ABCB11: variants seen among roughly 807,000 people sequenced by gnomAD.
ABCB11 encodes bile salt export pump.
A neutral mutation model predicts 148.0 loss-of-function variants in ABCB11; 95 were observed. That is an observed-to-expected ratio of 0.64 (90% CI 0.54 to 0.76). The LOEUF (loss-of-function observed/expected upper bound fraction) is 0.76. Among genes scored for constraint, ABCB11 ranks in the 30% least tolerant of loss-of-function variants. The probability of loss-of-function intolerance (pLI) is 0.00; values close to 1 mark genes in which losing one functional copy is unlikely to be tolerated. For synonymous variants in ABCB11, 591 were observed against 555.4 expected (o/e 1.06, Z -0.90); for missense variants, 1,523 against 1,617.8 (o/e 0.94, Z 1.01).
chr2:168,958,082 C>T lies in ABCB11; in HGVS notation c.2225G>A (p.Arg742Lys). ...TGGAGCACTGAATTTCAGAATCCTC[C>T]TAACTGGGGCAGGTTCAACTTCTTC... ...VQEEVEPAPV[R>K]RILKFSAPEW... Residue 742 changes from arginine (R) to lysine (K), a missense_variant, in exon 19 of 28, where the codon AGG (arginine) becomes AAG (lysine). Arg to Lys is a conservative substitution (Grantham distance 26). Coordinates refer to ENST00000650372, the MANE Select transcript of ABCB11 (RefSeq NM_003742.4). 6.2e-7 allele frequency: 1 copy of T among 1,611,272 alleles called. No homozygotes were observed. Among genetic ancestry groups the T allele is most frequent in the Non-Finnish European group, 8.5e-7 (1 of 1,178,184 alleles).
intron 1 of ABCB11, among the ~76,000 whole-genome samples, chr2:169,026,631 C>T (rs1237452194): frequency 6.6e-6 from 1 of 152,160 alleles, no homozygotes; most frequent in Non-Finnish European, 1.5e-5. Context: ...TGCCATGTAT[C>T]ATTATGAATG....
At chr2:169,024,604 C>A (rs1409388944) in intron 1 of ABCB11, among the ~76,000 whole-genome samples, 1 of 152,038 alleles carries the variant, frequency 6.6e-6, no homozygotes, top group Non-Finnish European at 1.5e-5. Flanking sequence ...AATATTGATA[C>A]ATTATTATTA....
At chr2:169,009,393 C>T (rs1479316006) in intron 5 of ABCB11, among the ~76,000 whole-genome samples, 2 of 151,986 alleles carry the variant, frequency 1.3e-5, no homozygotes, top group Non-Finnish European at 2.9e-5. Context: ...GAATACTATG[C>T]AGCCATAAAA....
chr2:168,980,506 TAATAATAAC>T (rs766976888), intron 10 of ABCB11, among the ~76,000 whole-genome samples: 6 of 152,214 alleles, frequency 3.9e-5, no homozygotes, highest in Non-Finnish European at 8.8e-5. Flanking sequence ...TGAATAACAG[TAATAATAAC>T]AATAATAACA....
intron 5 of ABCB11, among the ~76,000 whole-genome samples, chr2:169,008,688 T>C (rs1309913739): frequency 1.3e-5 from 2 of 152,194 alleles, no homozygotes; most frequent in Non-Finnish European, 2.9e-5. Context: ...TCATACACTG[T>C]TAGCAGAAAT....
chr2:168,997,683 C>T (rs1268918197), intron 5 of ABCB11, among the ~76,000 whole-genome samples: 1 of 151,964 alleles, frequency 6.6e-6, no homozygotes, highest in Admixed American at 6.6e-5. Context: ...CTCTGTCAGC[C>T]TTCTTTTTGT....
intron 21 of ABCB11, among the ~76,000 whole-genome samples, chr2:168,941,082 C>T (rs1692042521): frequency 6.6e-6 from 1 of 152,000 alleles, no homozygotes; most frequent in Non-Finnish European, 1.5e-5. Flanking sequence ...TGCTTGTTAA[C>T]CCAACATGAA....
intron 13 of ABCB11, among the ~76,000 whole-genome samples, chr2:168,972,266 G>A (rs1187238158): frequency 6.6e-6 from 1 of 151,996 alleles, no homozygotes; most frequent in Non-Finnish European, 1.5e-5. Context: ...AAACATAAAT[G>A]ATGTAAATAA....
chr2:168,972,860 C>T (rs1693646022), intron 13 of ABCB11, among the ~76,000 whole-genome samples: 2 of 152,002 alleles, frequency 1.3e-5, no homozygotes, highest in African/African-American at 4.8e-5. Context: ...CTGACTTGGT[C>T]ATTTACCTGA....
chr2:169,022,268 A>G (rs1297679751), intron 1 of ABCB11, among the ~76,000 whole-genome samples: 2 of 152,022 alleles, frequency 1.3e-5, no homozygotes, highest in Admixed American at 6.5e-5. Context: ...AATGAAAAAC[A>G]GTAGAAAGGA....
At chr2:169,023,032 A>T (rs767167434) in intron 1 of ABCB11, among the ~76,000 whole-genome samples, 1 of 152,198 alleles carries the variant, frequency 6.6e-6, no homozygotes, top group Non-Finnish European at 1.5e-5. Flanking sequence ...TATTCATTGA[A>T]ATATTGGCAA....
intron 11 of ABCB11, among the ~76,000 whole-genome samples, chr2:168,978,050 T>G (rs934214728): frequency 3.9e-5 from 6 of 152,058 alleles, no homozygotes; most frequent in Non-Finnish European, 8.8e-5. Flanking sequence ...CTTAATTTTT[T>G]AGTTTCAGGG....
At chr2:168,986,494 T>A (rs1694331709) in intron 9 of ABCB11, among the ~76,000 whole-genome samples, 1 of 152,124 alleles carries the variant, frequency 6.6e-6, no homozygotes, top group Admixed American at 6.6e-5. Context: ...AGGGCGATAC[T>A]TAACAGAGCT....
Position 168,936,275 on chromosome 2 carries a change from T to C in ABCB11, c.2769A>G (p.Thr923=), listed in dbSNP as rs947068240. Reference sequence around the variant, plus strand: ...CCTGCTTATCTCGAGAGGCAAATCCTGTCAACATCCTGGTCTGTGTGGCTC... The same window carrying C: ...CCTGCTTATCTCGAGAGGCAAATCCCGTCAACATCCTGGTCTGTGTGGCTC... ...LSGATQTRML[T]GFASRDKQAL... Residue 923 remains threonine, a synonymous_variant, in exon 22 of 28, where the codon ACA becomes ACG. Coordinates refer to ENST00000650372, the MANE Select transcript of ABCB11 (RefSeq NM_003742.4). 16 of 1,613,840 alleles carry C rather than the reference T, an allele frequency of 9.9e-6. No individual in the cohort carries two copies. The highest frequency in any genetic ancestry group is 1.3e-5 in the African/African-American group (1 of 74,926).
intron 19 of ABCB11, among the ~76,000 whole-genome samples, chr2:168,951,501 TTTGTAGCTA>T (rs1355414178): frequency 1.3e-5 from 2 of 151,696 alleles, no homozygotes; most frequent in Admixed American, 6.6e-5. Flanking sequence ...AAGTATTTTT[TTTGTAGCTA>T]TTGTAAATGG....
chr2:169,009,256 C>T (rs1695108656), intron 5 of ABCB11, among the ~76,000 whole-genome samples: 1 of 152,140 alleles, frequency 6.6e-6, no homozygotes, highest in African/African-American at 2.4e-5. Context: ...ATAAATCATG[C>T]TGCTATAAGG....
downstream of ABCB11, among the ~76,000 whole-genome samples, chr2:168,917,293 T>C (rs1206174503): frequency 6.6e-6 from 1 of 152,116 alleles, no homozygotes; most frequent in Admixed American, 6.5e-5. Flanking sequence ...AATTTTGAAA[T>C]GGACCAAAAT....
In ABCB11 at chr2:168,945,380, G is replaced by T. The variant is rs551239930; in HGVS notation, c.2344-419C>A. 2.0e-5 allele frequency among the ~76,000 whole-genome samples: 3 copies of T among 152,012 alleles called. No individual in the cohort carries two copies. In the East Asian group the frequency reaches 5.8e-4, roughly 30 times the overall value. ...TGATGACGATGTACTACAGTCCTCT[G>T]TGGGGCGGAAAACCTGGTGAATGAA... is the stretch of plus-strand genomic sequence containing the variant. On this transcript the variant is annotated intron_variant, in intron 19 of 27. Transcript: ENST00000650372.
chr2:169,006,487 G>T (rs1054087278), intron 5 of ABCB11, among the ~76,000 whole-genome samples: 2 of 152,074 alleles, frequency 1.3e-5, no homozygotes, highest in Non-Finnish European at 1.5e-5. Context: ...AATAAGACAA[G>T]GATGTGTGCT....
Sources: gnomAD v4.1 joint callset for allele counts (sites outside exome capture counted in the v4.1 genomes callset) on GRCh38, gnomAD v4.1.1 for gene constraint, MANE v1.5 for transcripts, NCBI Gene and HGNC (gene_info 2026-07-23, HGNC 2026-07-21) for gene names.